RBM20: variants seen among roughly 807,000 people sequenced by gnomAD.
The protein encoded by RBM20 is RNA-binding protein 20.
Under a neutral mutation model 110.1 loss-of-function variants are expected in RBM20, and 51 were observed. The observed-to-expected ratio is 0.46, with a 90% confidence interval of 0.37 to 0.59. RBM20 has a LOEUF of 0.59. Among genes scored for constraint, RBM20 ranks in the 20% least tolerant of loss-of-function variants. RBM20 has a pLI of 0.00. For missense variants in RBM20, 1,512 were observed against 1,574.9 expected (o/e 0.96, Z 0.68); for synonymous variants, 589 against 618.2 (o/e 0.95, Z 0.70).
intron 3 of RBM20, 97 bp from the exon 4 acceptor site, chr10:110,784,243 AT>A (rs1844391018): frequency 3.5e-6 from 3 of 845,934 alleles, no homozygotes; most frequent in African/African-American, 1.7e-5. Flanking sequence ...GTTTTCAACT[AT>A]TTGGGGGTCT....
chr10:110,671,897 C>A (rs1277471442), intron 1 of RBM20, among the ~76,000 whole-genome samples: 1 of 152,110 alleles, frequency 6.6e-6, no homozygotes, highest in African/African-American at 2.4e-5. Context: ...AATTCTTTTT[C>A]AGCTTTTACA....
chr10:110,649,356 C>G (rs190219109), intron 1 of RBM20, among the ~76,000 whole-genome samples: 1 of 152,122 alleles, frequency 6.6e-6, no homozygotes, highest in African/African-American at 2.4e-5. Flanking sequence ...TGATATAGCT[C>G]AATTCACAGG....
In RBM20 at chr10:110,740,251, C is replaced by G. The variant is rs112451884; in HGVS notation, c.192-40550C>G. ...TGGGTTGAGGTGGAGTAATGTTGAC[C>G]TTGGAAGGTTAGGATGCTTTTGTTT... is the stretch of plus-strand genomic sequence containing the variant. On this transcript the variant is annotated intron_variant, in intron 1 of 13. Transcript: ENST00000369519. Among the ~76,000 whole-genome samples, 433 of 152,310 alleles carry G rather than the reference C, an allele frequency of 2.8e-3. 4 individuals carry two copies. The highest frequency in any genetic ancestry group is 0.01 in the African/African-American group (416 of 41,554).
chr10:110,719,231 A>G (rs1843474598), intron 1 of RBM20, among the ~76,000 whole-genome samples: 1 of 152,238 alleles, frequency 6.6e-6, no homozygotes, highest in South Asian at 2.1e-4. Context: ...CCTCACCAAC[A>G]CCGAAGGTGA....
At chr10:110,814,901 A>G (rs1844820024) in intron 9 of RBM20, among the ~76,000 whole-genome samples, 1 of 152,216 alleles carries the variant, frequency 6.6e-6, no homozygotes, top group Non-Finnish European at 1.5e-5. Context: ...TATTAGGGAT[A>G]ATGTTTTTAA....
At chr10:110,815,636 G>A (rs1387712136) in intron 9 of RBM20, among the ~76,000 whole-genome samples, 1 of 152,188 alleles carries the variant, frequency 6.6e-6, no homozygotes, top group Non-Finnish European at 1.5e-5. Context: ...CTGAGAGGTG[G>A]AGCTGCTTCC....
chr10:110,768,247 A>AGGGAG (rs1564840231), intron 1 of RBM20, among the ~76,000 whole-genome samples: 3 of 148,876 alleles, frequency 2.0e-5, no homozygotes, highest in Non-Finnish European at 4.5e-5. Flanking sequence ...GAGGGAGGGA[A>AGGGAG]AGGGAGAGGG....
chr10:110,821,687 A>T lies in RBM20; in HGVS notation c.3068A>T (p.Asp1023Val). The T allele has an allele frequency of 6.4e-7, 1 of 1,551,776 alleles. No homozygotes were observed. The highest frequency in any genetic ancestry group is 8.7e-7 in the Non-Finnish European group (1 of 1,147,006). ...ACAGGCCTCTCCCTGGAGGATTCAG[A>T]TTGCTACGAGAAGGAGGCAAAGGGA... ...SETGLSLEDS[D>V]CYEKEAKGVE... is the part of the protein sequence containing the mutation. The change falls in exon 11 of 14, where the codon GAT becomes GTT. Residue 1023 changes from aspartate (D) to valine (V), a missense_variant. Asp to Val is a radical substitution (Grantham distance 152). Transcript: ENST00000369519.
At chr10:110,765,918 A>ACATG (rs1472353856) in intron 1 of RBM20, among the ~76,000 whole-genome samples, 1 of 152,184 alleles carries the variant, frequency 6.6e-6, no homozygotes, top group Admixed American at 6.5e-5. Flanking sequence ...CCCTTCCCCC[A>ACATG]CATGCATATG....
chr10:110,674,174 G>A (rs1862300036), intron 1 of RBM20, among the ~76,000 whole-genome samples: 1 of 152,162 alleles, frequency 6.6e-6, no homozygotes, highest in African/African-American at 2.4e-5. Context: ...TACTCAGTCT[G>A]CAAACATATT....
intron 1 of RBM20, among the ~76,000 whole-genome samples, chr10:110,755,104 C>A (rs11195307): frequency 0.14 from 20,683 of 152,116 alleles, 1,808 homozygotes; most frequent in Middle Eastern, 0.21. Flanking sequence ...TTATCCCCTT[C>A]CTACTTCCTC....
At chr10:110,790,807 G>T (rs745328024) in intron 5 of RBM20, among the ~76,000 whole-genome samples, 12 of 151,844 alleles carry the variant, frequency 7.9e-5, no homozygotes, top group Non-Finnish European at 1.8e-4. Context: ...CGATTGATAG[G>T]TTTTTTTTCA....
intron 13 of RBM20, among the ~76,000 whole-genome samples, chr10:110,832,066 T>A (rs191180636): frequency 2.6e-4 from 40 of 152,278 alleles, no homozygotes; most frequent in African/African-American, 9.1e-4. Flanking sequence ...TGTGAAAAAA[T>A]GTGTCTTGAG....
At chr10:110,711,200 G>C (rs1011129143) in intron 1 of RBM20, among the ~76,000 whole-genome samples, 1 of 151,630 alleles carries the variant, frequency 6.6e-6, no homozygotes, top group Non-Finnish European at 1.5e-5. Context: ...CGTGGTGGTG[G>C]GCACCTGTAA....
At chr10:110,716,923 G>A (rs79296077) in intron 1 of RBM20, among the ~76,000 whole-genome samples, 218 of 144,454 alleles carry the variant, frequency 1.5e-3, no homozygotes, top group Non-Finnish European at 1.9e-3. Flanking sequence ...AAAAAAAAAA[G>A]AAAAAAAAAA....
intron 5 of RBM20, among the ~76,000 whole-genome samples, chr10:110,788,611 A>T (rs948957409): frequency 2.6e-5 from 4 of 152,190 alleles, no homozygotes; most frequent in Non-Finnish European, 5.9e-5. Flanking sequence ...CAGCATATGG[A>T]ATTGAATGCA....
At chr10:110,764,291 A>G (rs569059182) in intron 1 of RBM20, among the ~76,000 whole-genome samples, 3 of 150,284 alleles carry the variant, frequency 2.0e-5, no homozygotes, top group Non-Finnish European at 3.0e-5. Flanking sequence ...ACAAACAAAC[A>G]GACCACCACC....
chr10:110,690,798 A>G (rs186882272), intron 1 of RBM20, among the ~76,000 whole-genome samples: 1 of 152,330 alleles, frequency 6.6e-6, no homozygotes, highest in East Asian at 1.9e-4. Context: ...TTATCCATTC[A>G]TCTGTTGATG....
intron 5 of RBM20, among the ~76,000 whole-genome samples, chr10:110,785,898 C>G (rs1230232298): frequency 2.6e-5 from 4 of 152,112 alleles, no homozygotes; most frequent in African/African-American, 7.2e-5. Flanking sequence ...AATTTTGAAG[C>G]TTGAACCAGA....
Sources: gnomAD v4.1 joint callset for allele counts (sites outside exome capture counted in the v4.1 genomes callset) on GRCh38, gnomAD v4.1.1 for gene constraint, MANE v1.5 for transcripts, NCBI Gene and HGNC (gene_info 2026-07-23, HGNC 2026-07-21) for gene names.